FAM110B: variants seen among roughly 807,000 people sequenced by gnomAD.
The protein encoded by FAM110B is protein FAM110B.
In FAM110B, 6 loss-of-function variants were observed where a neutral mutation model predicts 20.4. The observed-to-expected ratio is 0.29, with a 90% CI of 0.16 to 0.58. The LOEUF (loss-of-function observed/expected upper bound fraction) is 0.58, where lower values mean the gene tolerates loss of function less well. FAM110B is among the 20% of genes least tolerant of loss of function. The probability of loss-of-function intolerance (pLI) is 0.90; values close to 1 mark genes in which losing one functional copy is unlikely to be tolerated. For synonymous variants in FAM110B, 226 were observed against 214.1 expected (o/e 1.06, Z -0.49); for missense variants, 434 against 498.2 (o/e 0.87, Z 1.23).
At chr8:58,079,902 A>G (rs1400797333) in intron 3 of FAM110B, among the ~76,000 whole-genome samples, 1 of 152,232 alleles carries the variant, frequency 6.6e-6, no homozygotes, top group Admixed American at 6.5e-5. Context: ...GTAATTGTAA[A>G]TGTAGTCACT....
intron 3 of FAM110B, among the ~76,000 whole-genome samples, chr8:58,139,803 G>T (rs1022936072): frequency 7.2e-5 from 11 of 152,136 alleles, no homozygotes; most frequent in Non-Finnish European, 1.6e-4. Flanking sequence ...GGTGGCAGCT[G>T]CCTGTAGTCC....
intron 3 of FAM110B, among the ~76,000 whole-genome samples, chr8:58,144,162 C>T (rs964613670): frequency 5.3e-5 from 8 of 152,108 alleles, no homozygotes; most frequent in Non-Finnish European, 1.2e-4. Flanking sequence ...TTGGTCCTGC[C>T]CCTCACTGTG....
At chr8:58,059,072 A>G (rs538449594) in intron 2 of FAM110B, among the ~76,000 whole-genome samples, 2 of 152,232 alleles carry the variant, frequency 1.3e-5, no homozygotes, top group South Asian at 4.2e-4. Flanking sequence ...GGTTCCTGTC[A>G]CTTAGTAGGA....
At chr8:57,995,061 C>T (rs576396222) in intron 1 of FAM110B, among the ~76,000 whole-genome samples, 236 of 152,230 alleles carry the variant, frequency 1.6e-3, no homozygotes, top group African/African-American at 5.3e-3. Context: ...CTGCCTGCCC[C>T]GCGCCCCCTC....
At position 58,110,062 on chromosome 8, in the gene FAM110B, A is replaced by G. The variant is rs548375063; in HGVS notation, c.-325+34439A>G. Among the ~76,000 whole-genome samples the G allele has an allele frequency of 1.1e-4, 17 of 152,338 alleles. No individual in the cohort carries two copies. In the South Asian group the frequency reaches 3.5e-3, roughly 32 times the overall value. On this transcript the variant is annotated intron_variant, in intron 3 of 3. Coordinates refer to ENST00000519262, the MANE Select transcript of FAM110B (RefSeq NM_001377989.1). ...TCTCTGAAAAGCTAAGATATGGGAC[A>G]CCACAAAGGCCTGAAGCTTCCATCC...
At chr8:58,103,648 A>T (rs1400371320) in intron 3 of FAM110B, among the ~76,000 whole-genome samples, 1 of 152,144 alleles carries the variant, frequency 6.6e-6, no homozygotes, top group Non-Finnish European at 1.5e-5. Flanking sequence ...TAATAGTTTT[A>T]CATTTCCGGC....
intron 1 of FAM110B, among the ~76,000 whole-genome samples, chr8:57,997,336 C>T (rs1804208052): frequency 6.6e-6 from 1 of 152,202 alleles, no homozygotes; most frequent in Non-Finnish European, 1.5e-5. Flanking sequence ...ATATGTTCAA[C>T]ATTTGTAGAC....
rs779364547 is a variant in FAM110B at position 58,146,206 on chromosome 8, G to A, written c.-25G>A. On this transcript the variant is annotated 5_prime_UTR_variant, in exon 4 of 4. Transcript: ENST00000519262. ...AGGCGCCCAGAAGAGCATCCAACAC[G>A]GCTGCCGGGGAAAGACCGCCCACCA... The A allele has an allele frequency of 1.9e-6, 3 of 1,569,114 alleles. No homozygotes were observed. The African/African-American group carries it at 4.1e-5, about 21-fold the overall frequency.
chr8:58,141,777 C>A (rs571941771), intron 3 of FAM110B, among the ~76,000 whole-genome samples: 1 of 152,152 alleles, frequency 6.6e-6, no homozygotes, highest in African/African-American at 2.4e-5. Context: ...TTTGCTGTTG[C>A]GTCAACAATG....
intron 3 of FAM110B, chr8:58,106,103 A>G (rs924917421): frequency 3.3e-5 from 5 of 152,174 alleles, no homozygotes; most frequent in Non-Finnish European, 7.3e-5. Flanking sequence ...ATCTGCATTA[A>G]TTTCAATTCT....
In FAM110B at chr8:58,072,914, G is replaced by A. The variant is rs186870982; in HGVS notation, c.-413-2621G>A. Among the ~76,000 whole-genome samples, 865 of 152,316 alleles carry A rather than the reference G, an allele frequency of 5.7e-3. 7 individuals are homozygous for A. The highest frequency in any genetic ancestry group is 9.4e-3 in the Non-Finnish European group (639 of 68,022). On this transcript the variant is annotated intron_variant, in intron 2 of 3. Coordinates refer to ENST00000519262, the MANE Select transcript of FAM110B (RefSeq NM_001377989.1). The stretch of plus-strand genomic sequence containing the variant: ...TGAAAAGGAAAGAGAAATGGGTAGT[G>A]CATGATATTGCATGTAAGAGTTTCC...
intron 3 of FAM110B, among the ~76,000 whole-genome samples, chr8:58,104,634 C>T (rs1469293074): frequency 6.6e-6 from 1 of 152,122 alleles, no homozygotes; most frequent in Non-Finnish European, 1.5e-5. Flanking sequence ...TATTCTTAAC[C>T]TATATGTGAT....
chr8:58,044,784 A>G (rs1013321177), intron 2 of FAM110B, among the ~76,000 whole-genome samples: 3 of 152,216 alleles, frequency 2.0e-5, no homozygotes, highest in African/African-American at 7.2e-5. Flanking sequence ...ATGCTCTTTA[A>G]TGAAGAGCAT....
At chr8:58,124,548 A>G (rs113313606) in intron 3 of FAM110B, among the ~76,000 whole-genome samples, 2 of 152,330 alleles carry the variant, frequency 1.3e-5, no homozygotes, top group African/African-American at 4.8e-5. Flanking sequence ...GTCATAACCC[A>G]TACTCTAGTG....
chr8:58,123,312 T>TG (rs1308327965), intron 3 of FAM110B, among the ~76,000 whole-genome samples: 3 of 152,146 alleles, frequency 2.0e-5, no homozygotes, highest in African/African-American at 2.4e-5. Context: ...TCCTGCTCTT[T>TG]GGGGGGTGGT....
chr8:58,049,053 G>A (rs1238586616), intron 2 of FAM110B, among the ~76,000 whole-genome samples: 2 of 152,188 alleles, frequency 1.3e-5, no homozygotes, highest in Middle Eastern at 3.4e-3. Context: ...AAACTATAAT[G>A]GTGATTATTT....
At chr8:58,048,828 AT>A (rs1355068864) in intron 2 of FAM110B, among the ~76,000 whole-genome samples, 2 of 152,066 alleles carry the variant, frequency 1.3e-5, no homozygotes, top group South Asian at 2.1e-4. Flanking sequence ...AGTTTCAGAA[AT>A]TTTTTTTAGG....
At chr8:58,110,398 G>A (rs748631716) in intron 3 of FAM110B, among the ~76,000 whole-genome samples, 2 of 152,064 alleles carry the variant, frequency 1.3e-5, no homozygotes, top group Non-Finnish European at 2.9e-5. Flanking sequence ...GAAAGAAACC[G>A]ATTAAGATGC....
At chr8:58,024,172 CTT>C (rs10651271) in intron 1 of FAM110B, among the ~76,000 whole-genome samples, 8 of 129,454 alleles carry the variant, frequency 6.2e-5, no homozygotes, top group Admixed American at 1.5e-4. Flanking sequence ...TTTCACTGTG[CTT>C]TTTTTTTTTT....
Sources: allele counts gnomAD v4.1 joint callset (sites outside exome capture counted in the v4.1 genomes callset), GRCh38; gene constraint gnomAD v4.1.1; transcripts MANE v1.5; gene names NCBI Gene and HGNC (gene_info 2026-07-23, HGNC 2026-07-21).